The following PROK1 variants were observed in gnomAD, a reference collection of about 807,000 sequenced individuals.
PROK1 encodes the protein prokineticin-1.
PROK1 carries 10 observed loss-of-function variants against 8.8 expected under a neutral mutation model. The ratio of observed to expected loss-of-function variants is 1.13; its 90% confidence interval spans 0.70 to 1.92. The LOEUF (loss-of-function observed/expected upper bound fraction) is 1.92. PROK1 is among the 30% of genes most tolerant of loss of function. PROK1 has a pLI of 0.00. For synonymous variants in PROK1, 57 were observed against 56.0 expected (o/e 1.02, Z -0.08); for missense variants, 140 against 139.7 (o/e 1.00, Z -0.01).
intron 1 of PROK1, among the ~76,000 whole-genome samples, chr1:110,452,359 T>C (rs977620894): frequency 2.6e-5 from 4 of 152,176 alleles, no homozygotes; most frequent in Non-Finnish European, 5.9e-5. Flanking sequence ...TAAAAATAAT[T>C]GTGAAGGCAG....
intron 1 of PROK1, among the ~76,000 whole-genome samples, chr1:110,452,906 A>G (rs1664109469): frequency 6.6e-6 from 1 of 152,182 alleles, no homozygotes; most frequent in Non-Finnish European, 1.5e-5. Context: ...CCTTTACCCC[A>G]ACCCCAAGCT....
At chr1:110,454,283 C>T (rs1159700790) in intron 2 of PROK1, among the ~76,000 whole-genome samples, 197 bp downstream of exon 2, 1 of 152,206 alleles carries the variant, frequency 6.6e-6, no homozygotes, top group Non-Finnish European at 1.5e-5. Context: ...CCCTGAATGT[C>T]CAAGGGGAAG....
intron 2 of PROK1, 117 bp downstream of exon 2, chr1:110,454,203 G>A (rs1486118556): frequency 2.2e-6 from 3 of 1,344,648 alleles, no homozygotes; most frequent in East Asian, 2.5e-5. Context: ...CTCCAGAGAG[G>A]CAGTCTAGGG....
At chr1:110,454,427 T>G (rs571995891) in intron 2 of PROK1, among the ~76,000 whole-genome samples, 1 of 152,354 alleles carries the variant, frequency 6.6e-6, no homozygotes, top group African/African-American at 2.4e-5. Context: ...TAGCACAGGT[T>G]GGAGAACCAC....
chr1:110,456,049 C>A (rs1468099015), intron 2 of PROK1, among the ~76,000 whole-genome samples, 183 bp from the exon 3 acceptor site: 3 of 152,206 alleles, frequency 2.0e-5, no homozygotes, highest in Non-Finnish European at 2.9e-5. Context: ...TGGCGTATTG[C>A]TTAGCCACAC....
Position 110,456,638 on chromosome 1 carries a change from G to T in PROK1, c.*287G>T, listed in dbSNP as rs920829372. The T allele has an allele frequency of 2.2e-6, 1 of 452,162 alleles. No homozygotes were observed. The allele number at this position is 452,162 out of a possible 1,614,324, so 28.0% of individuals were successfully genotyped here. A position where few individuals can be genotyped will look rare whatever the true frequency, so the allele number is the denominator to read the frequency against. On this transcript the variant is annotated 3_prime_UTR_variant, in exon 3 of 3. Coordinates refer to ENST00000271331, the MANE Select transcript of PROK1 (RefSeq NM_032414.3). The stretch of plus-strand genomic sequence containing the variant: ...CAGAGAGGTGGTAAATGGCAGAAAG[G>T]ACATTCCCCCTCCCCTCCCCAGGTG...
Position 110,456,426 on chromosome 1 carries a change from C to G in PROK1, c.*75C>G. 6.3e-7 allele frequency: 1 copy of G among 1,587,218 alleles called. No individual in the cohort carries two copies. The highest frequency in any genetic ancestry group is 8.6e-7 in the Non-Finnish European group (1 of 1,163,808). The stretch of plus-strand genomic sequence containing the variant: ...TGGATTTTTATTTCTGCCATGAAAC[C>G]CAGCTCCCATGACTCTCCCAGTCCC... On this transcript the variant is annotated 3_prime_UTR_variant, in exon 3 of 3. Coordinates refer to ENST00000271331, the MANE Select transcript of PROK1 (RefSeq NM_032414.3).
Position 110,456,375 on chromosome 1 carries a change from C to G in PROK1, c.*24C>G. ...AGGCGCTTGCCTGGTCTCAGGATACCCACCATCCTTTTCCTGAGCACAGCC... is the reference window on the plus strand; with the variant it reads ...AGGCGCTTGCCTGGTCTCAGGATACGCACCATCCTTTTCCTGAGCACAGCC... On this transcript the variant is annotated 3_prime_UTR_variant, in exon 3 of 3. Transcript: ENST00000271331. 1.2e-6 allele frequency: 2 copies of G among 1,613,278 alleles called. No homozygotes were observed. The highest frequency in any genetic ancestry group is 2.2e-5 in the South Asian group (2 of 91,074).
In PROK1 at chr1:110,454,060, G is replaced by A. The variant is rs755200880; in HGVS notation, c.172G>A (p.Glu58Lys). The part of the protein sequence containing the change: ...RMCTPLGREG[E>K]ECHPGSHKVP... ...GTGCACCCCGCTGGGGCGGGAAGGC[G>A]AGGAGTGCCACCCCGGCAGCCACAA... The change falls in exon 2 of 3, where the codon GAG (glutamate) becomes AAG (lysine). Residue 58 changes from glutamate (E) to lysine (K), a missense_variant. Glu to Lys is a moderately conservative substitution (Grantham distance 56). Transcript: ENST00000271331. 10 of 1,613,682 alleles carry A rather than the reference G, an allele frequency of 6.2e-6. No homozygotes were observed. Among genetic ancestry groups the A allele is most frequent in the East Asian group, 2.2e-5 (1 of 44,898 alleles).
chr1:110,456,879 A>C lies in PROK1; in HGVS notation c.*528A>C, dbSNP rs1664181917. 1 of 196,132 alleles carries C rather than the reference A, an allele frequency of 5.1e-6. No individual in the cohort carries two copies. Among genetic ancestry groups the C allele is most frequent in the Non-Finnish European group, 1.1e-5 (1 of 94,160 alleles). The allele number at this position is 196,132 out of a possible 1,614,324, so 12.1% of individuals were successfully genotyped here. A position where few individuals can be genotyped will look rare whatever the true frequency, so the allele number is the denominator to read the frequency against. Reference sequence around the variant, plus strand: ...CTTAGTTTCAGACCACAGACTCAAGATTGGCTCTTCCCAGAGGGCAGCAGA... The same window carrying C: ...CTTAGTTTCAGACCACAGACTCAAGCTTGGCTCTTCCCAGAGGGCAGCAGA... On this transcript the variant is annotated 3_prime_UTR_variant, in exon 3 of 3. Transcript: ENST00000271331.
rs1048352665 is a variant in PROK1 at position 110,456,659 on chromosome 1, A to G, written c.*308A>G. On this transcript the variant is annotated 3_prime_UTR_variant, in exon 3 of 3. Transcript: ENST00000271331. ...AAAGGACATTCCCCCTCCCCTCCCC[A>G]GGTGACCTGCTCTCTTTCCTGGGCC... 3.2e-5 allele frequency: 13 copies of G among 409,084 alleles called. No homozygotes were observed. Among genetic ancestry groups the G allele is most frequent in the Non-Finnish European group, 6.0e-5 (13 of 216,096 alleles). The allele number at this position is 409,084 out of a possible 1,614,324, so 25.3% of individuals were successfully genotyped here.
chr1:110,453,900 T>C (rs1287190673), intron 1 of PROK1, 61 bp from the exon 2 acceptor site: 2 of 1,610,398 alleles, frequency 1.2e-6, no homozygotes, highest in African/African-American at 2.7e-5. Context: ...GGATCTACCC[T>C]TCCCTTCTGC....
intron 2 of PROK1, among the ~76,000 whole-genome samples, chr1:110,454,875 A>G (rs1032125889): frequency 4.6e-5 from 7 of 152,206 alleles, no homozygotes; most frequent in African/African-American, 1.7e-4. Context: ...TAGACCCACA[A>G]AATCGCCTTC....
chr1:110,451,165 G>A lies in PROK1; in HGVS notation c.-52G>A. The stretch of plus-strand genomic sequence containing the variant: ...TTGCCAGGCACAAGGCTGAGCGGGA[G>A]GAAGCGAGAGGCATCTAAGCAGGCA... On this transcript the variant is annotated 5_prime_UTR_variant, in exon 1 of 3. Coordinates refer to ENST00000271331, the MANE Select transcript of PROK1 (RefSeq NM_032414.3). 6.4e-7 allele frequency: 1 copy of A among 1,561,128 alleles called. No individual in the cohort carries two copies. Among genetic ancestry groups the A allele is most frequent in the Non-Finnish European group, 8.8e-7 (1 of 1,132,000 alleles).
chr1:110,451,897 T>A (rs1664093006), intron 1 of PROK1, among the ~76,000 whole-genome samples: 1 of 150,880 alleles, frequency 6.6e-6, no homozygotes, highest in South Asian at 2.1e-4. Flanking sequence ...AGCATCCAGA[T>A]AACAAGTAGA....
chr1:110,454,618 G>C (rs545036633), intron 2 of PROK1, among the ~76,000 whole-genome samples: 9 of 152,248 alleles, frequency 5.9e-5, no homozygotes, highest in Admixed American at 2.0e-4. Flanking sequence ...CCTTGTTTTT[G>C]GGGGGCAGCC....
chr1:110,456,586 C>G lies in PROK1; in HGVS notation c.*235C>G, dbSNP rs367973023. ...AGGCTGTGGTGTGAAAGGTGGCCAG[C>G]CTGGTTCTCTTCCCTGCTCAGGCTG... On this transcript the variant is annotated 3_prime_UTR_variant, in exon 3 of 3. Coordinates refer to ENST00000271331, the MANE Select transcript of PROK1 (RefSeq NM_032414.3). The G allele has an allele frequency of 2.4e-5, 14 of 575,598 alleles. 1 individual carries two copies. Among genetic ancestry groups the G allele is most frequent in the African/African-American group, 1.3e-4 (7 of 53,856 alleles). 35.7% of individuals were successfully genotyped at this position (575,598 alleles called of 1,614,324 possible).
intron 1 of PROK1, among the ~76,000 whole-genome samples, chr1:110,451,523 A>G (rs1243779682): frequency 6.6e-6 from 1 of 152,186 alleles, no homozygotes; most frequent in African/African-American, 2.4e-5. Flanking sequence ...CCTGTTTTCA[A>G]TGTGTTAGCA....
At position 110,456,216 on chromosome 1, in the gene PROK1, T is replaced by C. The variant is rs146100436; in HGVS notation, c.199-16T>C. 40 of 1,610,250 alleles carry C rather than the reference T, an allele frequency of 2.5e-5. No individual in the cohort carries two copies. Among genetic ancestry groups the C allele is most frequent in the Admixed American group, 8.3e-5 (5 of 60,006 alleles). On this transcript the variant is annotated splice_polypyrimidine_tract_variant and intron_variant, in intron 2 of 2. Coordinates refer to ENST00000271331, the MANE Select transcript of PROK1 (RefSeq NM_032414.3). ...TACCTCCCTTTGGTGAAGGTGTTGATTTCTTCTCTCCTTAGGTCCCCTTCT... is the reference window on the plus strand; with the variant it reads ...TACCTCCCTTTGGTGAAGGTGTTGACTTCTTCTCTCCTTAGGTCCCCTTCT...
Sources: allele counts gnomAD v4.1 joint callset (sites outside exome capture counted in the v4.1 genomes callset), GRCh38; gene constraint gnomAD v4.1.1; transcripts MANE v1.5; gene names NCBI Gene and HGNC (gene_info 2026-07-23, HGNC 2026-07-21).